Variants in ST3GAL4 observed in about 807,000 individuals in gnomAD.
The protein encoded by ST3GAL4 is CMP-N-acetylneuraminate-beta-galactosamide-alpha-2,3-sialyltransferase 4.
Under a neutral mutation model 42.6 loss-of-function variants are expected in ST3GAL4, and 24 were observed. That is an observed-to-expected ratio of 0.56 (90% CI 0.41 to 0.79). ST3GAL4 has a LOEUF of 0.79. Ranked by LOEUF, ST3GAL4 falls within the 30% of genes least tolerant of loss-of-function variation. The probability of loss-of-function intolerance (pLI) is 0.00; values close to 1 mark genes in which losing one functional copy is unlikely to be tolerated. For synonymous variants in ST3GAL4, 135 were observed against 163.2 expected (o/e 0.83, Z 1.32); for missense variants, 311 against 430.8 (o/e 0.72, Z 2.46).
chr11:126,395,486 G>C (rs753818542), intron 1 of ST3GAL4, among the ~76,000 whole-genome samples: 36 of 152,276 alleles, frequency 2.4e-4, no homozygotes, highest in Admixed American at 7.8e-4. Context: ...TAGCCCCCTA[G>C]ACCTGGTGAG....
At chr11:126,401,125 G>A (rs1043923967) in intron 1 of ST3GAL4, among the ~76,000 whole-genome samples, 1 of 152,150 alleles carries the variant, frequency 6.6e-6, no homozygotes, top group African/African-American at 2.4e-5. Flanking sequence ...CTAGGATGGA[G>A]TGTGGAAGAG....
At chr11:126,371,163 CT>C (rs551443393) in intron 1 of ST3GAL4, among the ~76,000 whole-genome samples, 1,732 of 59,940 alleles carry the variant, frequency 0.029, 102 homozygotes, top group African/African-American at 0.11. Flanking sequence ...CCCCACATTC[CT>C]TTTTTTTTTT....
intron 1 of ST3GAL4, among the ~76,000 whole-genome samples, chr11:126,380,903 A>G (rs1952974161): frequency 6.6e-6 from 1 of 152,194 alleles, no homozygotes; most frequent in Non-Finnish European, 1.5e-5. Context: ...CTCAGACCAT[A>G]TCCAGGTGAG....
Position 126,369,332 on chromosome 11 carries a change from C to T in ST3GAL4, c.-61+13490C>T, listed in dbSNP as rs185112094. Among the ~76,000 whole-genome samples, 8 of 152,062 alleles carry T rather than the reference C, an allele frequency of 5.3e-5. No individual in the cohort carries two copies. The South Asian group carries it at 6.2e-4, about 12-fold the overall frequency. ...GTGTGATCTCGGCTCACTGCAACCT[C>T]GGCCTCCTGGATTCAAGCGATTCTC... is the stretch of plus-strand genomic sequence containing the variant. On this transcript the variant is annotated intron_variant, in intron 1 of 10. Coordinates refer to ENST00000444328, the MANE Select transcript of ST3GAL4 (RefSeq NM_001254757.2).
rs1810791298 is a variant in ST3GAL4, at chr11:126,397,771, G to T, written c.-60-8325G>T. Among the ~76,000 whole-genome samples, 1 of 152,114 alleles carries T rather than the reference G, an allele frequency of 6.6e-6. No homozygotes were observed. Among genetic ancestry groups the T allele is most frequent in the African/African-American group, 2.4e-5 (1 of 41,426 alleles). ...ATTGTCTCATGGTGGATGGAAGAAGGGCAAGGTGGAGAGAGAGAGCAGGAA... is the reference window on the plus strand; with the variant it reads ...ATTGTCTCATGGTGGATGGAAGAAGTGCAAGGTGGAGAGAGAGAGCAGGAA... On this transcript the variant is annotated intron_variant, in intron 1 of 10. Transcript: ENST00000444328. The surrounding 1 kb of genome is among the most constrained non-coding windows in gnomAD (Gnocchi z 5.0).
Position 126,407,037 on chromosome 11 carries a change from G to A in ST3GAL4, c.182+14G>A, listed in dbSNP as rs775865660. Reference sequence around the variant, plus strand: ...GCTCTTTGGCAAGTAAGTACTTAAGGATGAGGAGGGTAGAGCAGGGCATGG... The same window carrying A: ...GCTCTTTGGCAAGTAAGTACTTAAGAATGAGGAGGGTAGAGCAGGGCATGG... On this transcript the variant is annotated intron_variant, in intron 4 of 10. Coordinates refer to ENST00000444328, the MANE Select transcript of ST3GAL4 (RefSeq NM_001254757.2). 18 of 1,612,464 alleles carry A rather than the reference G, an allele frequency of 1.1e-5. No individual in the cohort carries two copies. In the South Asian group the frequency reaches 2.0e-4, roughly 18 times the overall value.
intron 8 of ST3GAL4, 172 bp downstream of exon 8, chr11:126,408,668 T>C (rs4937124): frequency 0.5 from 366,480 of 736,910 alleles, 94,785 homozygotes; most frequent in East Asian, 0.88. Flanking sequence ...GGTGGTGCTC[T>C]GATAAGCTGC....
chr11:126,396,070 C>T lies in ST3GAL4; in HGVS notation c.-60-10026C>T, dbSNP rs1011472691. ...TTGCAATTAGCGGACCGTCTGTATC[C>T]GAGTGTTGATCGGGTGGATTCTAAC... On this transcript the variant is annotated intron_variant, in intron 1 of 10. Transcript: ENST00000444328. The surrounding 1 kb of genome is among the most constrained non-coding windows in gnomAD (Gnocchi z 5.8). Among the ~76,000 whole-genome samples, 21 of 151,542 alleles carry T rather than the reference C, an allele frequency of 1.4e-4. 1 individual carries two copies. Among genetic ancestry groups the T allele is most frequent in the African/African-American group, 3.9e-4 (16 of 40,960 alleles).
At position 126,386,538 on chromosome 11, in the gene ST3GAL4, A is replaced by T. The variant is rs554542286; in HGVS notation, c.-60-19558A>T. ...ATGTGACCTCTGTGGCTCTCCTGGGACACAGGTTAGTCCTGTGGGTGACCT... is the reference window on the plus strand; with the variant it reads ...ATGTGACCTCTGTGGCTCTCCTGGGTCACAGGTTAGTCCTGTGGGTGACCT... On this transcript the variant is annotated intron_variant, in intron 1 of 10. Coordinates refer to ENST00000444328, the MANE Select transcript of ST3GAL4 (RefSeq NM_001254757.2). This position sits in a 1 kb window ranked among gnomAD's most constrained non-coding sequence, Gnocchi z 4.7. Among the ~76,000 whole-genome samples the T allele has an allele frequency of 3.9e-5, 6 of 152,152 alleles. No individual in the cohort carries two copies. The highest frequency in any genetic ancestry group is 1.4e-4 in the African/African-American group (6 of 41,514).
At chr11:126,372,805 A>G (rs998303438) in intron 1 of ST3GAL4, among the ~76,000 whole-genome samples, 1 of 152,206 alleles carries the variant, frequency 6.6e-6, no homozygotes, top group African/African-American at 2.4e-5. Context: ...CATTGTACGC[A>G]TAGATCACAT....
chr11:126,381,305 G>T (rs1169677685), intron 1 of ST3GAL4, among the ~76,000 whole-genome samples: 1 of 152,182 alleles, frequency 6.6e-6, no homozygotes, highest in African/African-American at 2.4e-5. Flanking sequence ...TTCCCTGCCT[G>T]GAGTCCCAAC....
intron 1 of ST3GAL4, among the ~76,000 whole-genome samples, chr11:126,385,247 C>T (rs1218486623): frequency 2.0e-5 from 3 of 151,498 alleles, no homozygotes; most frequent in Non-Finnish European, 4.4e-5. Flanking sequence ...CTCTGCCTCC[C>T]GGGTTCACAC....
At chr11:126,372,795 C>G (rs115091329) in intron 1 of ST3GAL4, among the ~76,000 whole-genome samples, 364 of 152,278 alleles carry the variant, frequency 2.4e-3, no homozygotes, top group African/African-American at 8.4e-3. Flanking sequence ...AATAATATTC[C>G]ATTGTACGCA....
At position 126,414,129 on chromosome 11, in the gene ST3GAL4, C is replaced by A; in HGVS notation, c.*82C>A. 1 of 1,367,238 alleles carries A rather than the reference C, an allele frequency of 7.3e-7. No homozygotes were observed. Among genetic ancestry groups the A allele is most frequent in the Non-Finnish European group, 1.0e-6 (1 of 957,300 alleles). 84.7% of individuals were successfully genotyped at this position (1,367,238 alleles called of 1,614,324 possible). A position where few individuals can be genotyped will look rare whatever the true frequency, so the allele number is the denominator to read the frequency against. ...TGCGTGGCTGTGGGGGTGGCTGGTG[C>A]CAGTATGACCCACTTGGACTCACCC... On this transcript the variant is annotated 3_prime_UTR_variant, in exon 11 of 11. Coordinates refer to ENST00000444328, the MANE Select transcript of ST3GAL4 (RefSeq NM_001254757.2).
At chr11:126,369,256 T>TGG (rs1555081906) in intron 1 of ST3GAL4, among the ~76,000 whole-genome samples, 4 of 150,638 alleles carry the variant, frequency 2.7e-5, no homozygotes, top group Non-Finnish European at 5.9e-5. Context: ...CTCTTTTTTT[T>TGG]GGGGGGGGGA....
rs375899758 is a variant in ST3GAL4 at position 126,411,833 on chromosome 11, C to T, written c.772-1672C>T. Reference sequence around the variant, plus strand: ...TTCTGTGCTTCAAATCTCTGACCTCCGTTTCTGATCTTGACACCCGGATTT... The same window carrying T: ...TTCTGTGCTTCAAATCTCTGACCTCTGTTTCTGATCTTGACACCCGGATTT... On this transcript the variant is annotated intron_variant, in intron 9 of 10. Coordinates refer to ENST00000444328, the MANE Select transcript of ST3GAL4 (RefSeq NM_001254757.2). This position sits in a 1 kb window ranked among gnomAD's most constrained non-coding sequence, Gnocchi z 6.3. 1.2e-3 allele frequency among the ~76,000 whole-genome samples: 175 copies of T among 152,092 alleles called. No individual in the cohort carries two copies. The highest frequency in any genetic ancestry group is 4.0e-3 in the African/African-American group (166 of 41,492).
rs1294595171 is a variant in ST3GAL4, at chr11:126,366,389, G to GGT, written c.-61+10557_-61+10558dup. Reference sequence around the variant, plus strand: ...CAGAGAGGAGGAGGACTGAGAGCTGGGTGTGTGTGTGCGCATGCCTGTGTC... The same window carrying GGT: ...CAGAGAGGAGGAGGACTGAGAGCTGGGTGTGTGTGTGTGCGCATGCCTGTGTC... On this transcript the variant is annotated intron_variant, in intron 1 of 10. Transcript: ENST00000444328. The surrounding 1 kb of genome is among the most constrained non-coding windows in gnomAD (Gnocchi z 4.2). Among the ~76,000 whole-genome samples, 5 of 152,082 alleles carry GGT rather than the reference G, an allele frequency of 3.3e-5. No individual in the cohort carries two copies. Among genetic ancestry groups the GGT allele is most frequent in the African/African-American group, 9.7e-5 (4 of 41,378 alleles).
intron 7 of ST3GAL4, 49 bp from the exon 8 acceptor site, chr11:126,408,258 A>G: frequency 6.2e-7 from 1 of 1,612,692 alleles, no homozygotes; most frequent in Non-Finnish European, 8.5e-7. Flanking sequence ...GGGACTGTAG[A>G]CAGGCCCAGG....
rs1289437550 is a variant in ST3GAL4, at chr11:126,410,897, G to A, written c.771+1486G>A. Among the ~76,000 whole-genome samples the A allele has an allele frequency of 6.6e-6, 1 of 152,218 alleles. No individual in the cohort carries two copies. Among genetic ancestry groups the A allele is most frequent in the African/African-American group, 2.4e-5 (1 of 41,448 alleles). ...TGGGAGGCTCCCCAGAGGAGGTGGTGCTGGAGCCGGGCCTGGAAGGATCAG... is the reference window on the plus strand; with the variant it reads ...TGGGAGGCTCCCCAGAGGAGGTGGTACTGGAGCCGGGCCTGGAAGGATCAG... On this transcript the variant is annotated intron_variant, in intron 9 of 10. Transcript: ENST00000444328. This position sits in a 1 kb window ranked among gnomAD's most constrained non-coding sequence, Gnocchi z 5.3.
Sources: allele counts gnomAD v4.1 joint callset (sites outside exome capture counted in the v4.1 genomes callset), GRCh38; gene constraint gnomAD v4.1.1; non-coding constraint Gnocchi (gnomAD v3.1); transcripts MANE v1.5; gene names NCBI Gene and HGNC (gene_info 2026-07-23, HGNC 2026-07-21).